Variants in GRID1 observed in about 807,000 individuals in gnomAD.
GRID1 encodes glutamate ionotropic receptor delta type subunit 1.
GRID1 carries 28 observed loss-of-function variants against 98.0 expected under a neutral mutation model. That is an observed-to-expected ratio of 0.29 (90% CI 0.21 to 0.39). The LOEUF (loss-of-function observed/expected upper bound fraction) is 0.39. Among genes scored for constraint, GRID1 ranks in the 10% least tolerant of loss-of-function variants. The pLI, the probability that GRID1 is intolerant of heterozygous loss-of-function variation, is 1.00. For missense variants in GRID1, 1,111 were observed against 1,340.5 expected (o/e 0.83, Z 2.67); for synonymous variants, 553 against 538.5 (o/e 1.03, Z -0.37).
At chr10:85,927,552 C>T (rs1841792123) in intron 4 of GRID1, among the ~76,000 whole-genome samples, 1 of 151,624 alleles carries the variant, frequency 6.6e-6, no homozygotes, top group African/African-American at 2.4e-5. Flanking sequence ...AGATATACTG[C>T]ACTTATATCT....
chr10:85,955,346 T>TCAGGATAGCCAGCCTCCAG (rs1268966605), intron 4 of GRID1, among the ~76,000 whole-genome samples: 2 of 152,106 alleles, frequency 1.3e-5, no homozygotes, highest in African/African-American at 4.8e-5. Context: ...AGAACCTGCA[T>TCAGGATAGCCAGCCTCCAG]CAGGATAGCC....
intron 13 of GRID1, 198 bp downstream of exon 13, chr10:85,647,003 CT>C (rs1196324096): frequency 6.5e-6 from 4 of 615,032 alleles, no homozygotes; most frequent in Non-Finnish European, 1.2e-5. Flanking sequence ...CAGCACCACT[CT>C]ACAAAGTTGG....
chr10:86,027,504 A>G (rs61856024), intron 4 of GRID1, among the ~76,000 whole-genome samples: 8,415 of 152,330 alleles, frequency 0.055, 291 homozygotes, highest in Middle Eastern at 0.088. Context: ...GCAGTTGACA[A>G]ATATTTGAAT....
At chr10:86,250,344 A>G (rs1309691445) in intron 2 of GRID1, among the ~76,000 whole-genome samples, 2 of 152,126 alleles carry the variant, frequency 1.3e-5, no homozygotes, top group Non-Finnish European at 2.9e-5. Context: ...GCTGCCTTTG[A>G]GCAGCCCCTC....
chr10:86,037,937 T>C (rs1843291334), intron 4 of GRID1, among the ~76,000 whole-genome samples: 1 of 152,060 alleles, frequency 6.6e-6, no homozygotes, highest in African/African-American at 2.4e-5. Context: ...TATATGGAGA[T>C]AGGATCTTTA....
intron 12 of GRID1, among the ~76,000 whole-genome samples, chr10:85,702,763 T>C (rs1008084386): frequency 6.8e-6 from 1 of 148,078 alleles, no homozygotes; most frequent in African/African-American, 2.5e-5. Context: ...AGTATGAGGA[T>C]AAACGGAGGC....
At chr10:85,774,092 C>A (rs1372823880) in intron 8 of GRID1, among the ~76,000 whole-genome samples, 10 of 152,130 alleles carry the variant, frequency 6.6e-5, no homozygotes, top group Non-Finnish European at 1.2e-4. Context: ...AGGCTACAGT[C>A]ACCAAAACAG....
chr10:85,953,979 T>C lies in GRID1; in HGVS notation c.727-37740A>G, dbSNP rs183960728. ...GTCTTAGCAGGAAAGGAAATTAATT[T>C]ACAAAAGAGGGCAAAATAATCTCCA... On this transcript the variant is annotated intron_variant, in intron 4 of 15. Coordinates refer to ENST00000327946, the MANE Select transcript of GRID1 (RefSeq NM_017551.3). Among the ~76,000 whole-genome samples, 307 of 152,322 alleles carry C rather than the reference T, an allele frequency of 2.0e-3. 1 individual carries two copies. The highest frequency in any genetic ancestry group is 6.9e-3 in the African/African-American group (285 of 41,572).
intron 2 of GRID1, among the ~76,000 whole-genome samples, chr10:86,270,049 C>T (rs1454717437): frequency 6.6e-6 from 1 of 152,212 alleles, no homozygotes; most frequent in African/African-American, 2.4e-5. Flanking sequence ...CTTCCTGGAA[C>T]AGCGTTTATA....
rs1564668723 is a variant in GRID1, at chr10:86,080,445, AGGGGAGGGG to A, written c.726+58365_726+58373del. On this transcript the variant is annotated intron_variant, in intron 4 of 15. Transcript: ENST00000327946. ...AGGGGAGGGGAGGGGAGGGGAGGGG[AGGGGAGGGG>A]AGGGGAGGGGAGGGAAGGGAAGGGA... Among the ~76,000 whole-genome samples, 27 of 16,798 alleles carry A rather than the reference AGGGGAGGGG, an allele frequency of 1.6e-3. 2 individuals are homozygous for A. Among genetic ancestry groups the A allele is most frequent in the African/African-American group, 3.6e-3 (8 of 2,210 alleles). 11.0% of individuals were successfully genotyped at this position (16,798 alleles called of 152,430 possible).
At chr10:85,645,152 CT>C (rs899293083) in intron 13 of GRID1, among the ~76,000 whole-genome samples, 82 of 148,622 alleles carry the variant, frequency 5.5e-4, no homozygotes, top group East Asian at 1.8e-3. Context: ...AAGTAGCTAT[CT>C]TTTTTTTTTC....
intron 2 of GRID1, among the ~76,000 whole-genome samples, chr10:86,332,038 GCAA>G (rs1489449831): frequency 6.6e-6 from 1 of 152,206 alleles, no homozygotes; most frequent in Non-Finnish European, 1.5e-5. Flanking sequence ...GGGCACGCCT[GCAA>G]CACCACAGCA....
intron 8 of GRID1, among the ~76,000 whole-genome samples, chr10:85,783,709 G>A (rs545751339): frequency 3.3e-5 from 5 of 152,264 alleles, no homozygotes; most frequent in African/African-American, 4.8e-5. Context: ...AAACTGCCAC[G>A]AGTCTGCTTC....
intron 4 of GRID1, among the ~76,000 whole-genome samples, chr10:86,008,914 A>T (rs985631033): frequency 1.3e-5 from 2 of 152,146 alleles, no homozygotes; most frequent in Non-Finnish European, 2.9e-5. Context: ...GCAGCACAAA[A>T]ATGTTCATAA....
At chr10:85,714,680 C>T (rs928055741) in intron 12 of GRID1, among the ~76,000 whole-genome samples, 1 of 151,798 alleles carries the variant, frequency 6.6e-6, no homozygotes, top group African/African-American at 2.4e-5. Flanking sequence ...TAAATTACAC[C>T]AAGGAGGTGA....
rs151192126 is a variant in GRID1 at position 86,078,228 on chromosome 10, G to A, written c.726+60591C>T. 1.4e-3 allele frequency among the ~76,000 whole-genome samples: 219 copies of A among 152,354 alleles called. 6 individuals are homozygous for A. In the East Asian group the frequency reaches 0.037, roughly 26 times the overall value. ...TCTTTCCCAGAGGCCAGGAGACAGCGACAACTCCAGGGATGTGCTTAGCAA... is the reference window on the plus strand; with the variant it reads ...TCTTTCCCAGAGGCCAGGAGACAGCAACAACTCCAGGGATGTGCTTAGCAA... On this transcript the variant is annotated intron_variant, in intron 4 of 15. Coordinates refer to ENST00000327946, the MANE Select transcript of GRID1 (RefSeq NM_017551.3).
intron 4 of GRID1, among the ~76,000 whole-genome samples, chr10:86,059,304 C>T (rs1454221092): frequency 2.0e-5 from 3 of 152,204 alleles, no homozygotes; most frequent in African/African-American, 7.2e-5. Flanking sequence ...ACCTGCAGGT[C>T]ACTCCTTAAA....
chr10:86,071,523 C>T (rs879593596), intron 4 of GRID1, among the ~76,000 whole-genome samples: 2 of 152,254 alleles, frequency 1.3e-5, no homozygotes, highest in Non-Finnish European at 2.9e-5. Context: ...CCTCTGAAAG[C>T]AACACCTTTC....
chr10:85,645,243 A>G (rs1843172267), intron 13 of GRID1, among the ~76,000 whole-genome samples: 1 of 151,972 alleles, frequency 6.6e-6, no homozygotes, highest in African/African-American at 2.4e-5. Context: ...GCTCTCTCTG[A>G]GAGTCAAAGA....
Sources: allele counts gnomAD v4.1 joint callset (sites outside exome capture counted in the v4.1 genomes callset), GRCh38; gene constraint gnomAD v4.1.1; transcripts MANE v1.5; gene names NCBI Gene and HGNC (gene_info 2026-07-23, HGNC 2026-07-21).